Variants in F12 observed in about 807,000 individuals in gnomAD.
F12 encodes coagulation factor XII.
Under a neutral mutation model 74.8 loss-of-function variants are expected in F12, and 70 were observed. The ratio of observed to expected loss-of-function variants is 0.94; its 90% CI spans 0.77 to 1.14. The LOEUF (loss-of-function observed/expected upper bound fraction) is 1.14. Among genes scored for constraint, F12 ranks in the 50% most tolerant of loss-of-function variants. The probability of loss-of-function intolerance (pLI) is 0.00; values close to 1 mark genes in which losing one functional copy is unlikely to be tolerated. For synonymous variants in F12, 373 were observed against 356.4 expected, an observed-to-expected ratio of 1.05 and a Z score of -0.52; for missense variants, 811 against 835.7, an observed-to-expected ratio of 0.97 and a Z score of 0.36.
Position 177,403,896 on chromosome 5 carries a change from A to T in F12, c.1213T>A (p.Cys405Ser), listed in dbSNP as rs748842016. 6.3e-7 allele frequency: 1 copy of T among 1,579,522 alleles called. No homozygotes were observed. Among genetic ancestry groups the T allele is most frequent in the Non-Finnish European group, 8.6e-7 (1 of 1,166,102 alleles). The change falls in exon 10 of 14, where the codon TGC becomes AGC. Residue 405 changes from cysteine to serine, a missense_variant. Coordinates refer to ENST00000253496, the MANE Select transcript of F12 (RefSeq NM_000505.4). Reference protein sequence around the residue: ...SFCAGSLIAPCWVLTAAHCLQ... With the variant: ...SFCAGSLIAPSWVLTAAHCLQ... ...CAGTGAGCGGCCGTCAGCACCCAGC[A>T]GGGGGCGATGAGGCTGCCGGCGCAG...
chr5:177,402,438 C>A lies in F12; in HGVS notation c.1702G>T (p.Val568Leu). The A allele has an allele frequency of 6.2e-7, 1 of 1,610,080 alleles. No homozygotes were observed. Among genetic ancestry groups the A allele is most frequent in the African/African-American group, 1.3e-5 (1 of 74,952 alleles). ...ACQGDSGGPL[V>L]CEDQAAERRL... ...CGCTCTGCAGCTTGGTCCTCACACA[C>A]CAGCGGGCCTCCGGAATCACCCTGG... The change falls in exon 14 of 14, where the codon GTG (valine) becomes TTG (leucine). Residue 568 changes from valine (V) to leucine (L), a missense_variant. Coordinates refer to ENST00000253496, the MANE Select transcript of F12 (RefSeq NM_000505.4).
chr5:177,402,671 T>G lies in F12; in HGVS notation c.1559A>C (p.Gln520Pro), dbSNP rs1478056540. 4 of 1,612,334 alleles carry G rather than the reference T, an allele frequency of 2.5e-6. No individual in the cohort carries two copies. The highest frequency in any genetic ancestry group is 2.2e-5 in the East Asian group (1 of 44,884). ...EGAEEYASFLQEAQVPFLSLE... is the reference protein window; with the variant it reads ...EGAEEYASFLPEAQVPFLSLE... ...GGAGAGGAACGGTACCTGCGCCTCCTGCAGGAAGCTGGCATATTCCTCCGC... is the reference window on the plus strand; with the variant it reads ...GGAGAGGAACGGTACCTGCGCCTCCGGCAGGAAGCTGGCATATTCCTCCGC... Residue 520 changes from glutamine (Q) to proline (P), a missense_variant, in exon 13 of 14, where the codon CAG (glutamine) becomes CCG (proline). Coordinates refer to ENST00000253496, the MANE Select transcript of F12 (RefSeq NM_000505.4).
In F12 at chr5:177,405,047, T is replaced by C; in HGVS notation, c.529+7A>G. 1 of 1,611,686 alleles carries C rather than the reference T, an allele frequency of 6.2e-7. No individual in the cohort carries two copies. Among genetic ancestry groups the C allele is most frequent in the East Asian group, 2.2e-5 (1 of 44,878 alleles). On this transcript the variant is annotated splice_region_variant and intron_variant, in intron 6 of 13. Coordinates refer to ENST00000253496, the MANE Select transcript of F12 (RefSeq NM_000505.4). Reference sequence around the variant, plus strand: ...CCTCCCTGGCCCGTTCCCAACCATCTGCTCACCCTGGCTGGCCAGCCGCTG... The same window carrying C: ...CCTCCCTGGCCCGTTCCCAACCATCCGCTCACCCTGGCTGGCCAGCCGCTG...
At position 177,404,292 on chromosome 5, in the gene F12, A is replaced by T. The variant is rs78187030; in HGVS notation, c.922T>A (p.Ser308Thr). ...ATGAGTGGGACATGAAGCCTAGGGG[A>T]CACCGGGGTCGGAGGCGCCGCCTGG... The part of the protein sequence containing the change: ...PTQAAPPTPV[S>T]PRLHVPLMPA... The change falls in exon 9 of 14, where the codon TCC (serine) becomes ACC (threonine). Residue 308 changes from serine (S) to threonine (T), a missense_variant. By Grantham distance (58) the Ser-to-Thr change is moderately conservative. Transcript: ENST00000253496. 1.1e-4 allele frequency: 173 copies of T among 1,600,944 alleles called. 1 individual carries two copies. In the African/African-American group the frequency reaches 2.1e-3, roughly 20 times the overall value.
At chr5:177,406,300 AAT>A (rs1457258809) in intron 2 of F12, among the ~76,000 whole-genome samples, 31 of 151,694 alleles carry the variant, frequency 2.0e-4, no homozygotes, top group East Asian at 1.5e-3. Flanking sequence ...CATCCTGGCT[AAT>A]ACAGTGAAAC....
At position 177,405,115 on chromosome 5, in the gene F12, T is replaced by G; in HGVS notation, c.468A>C (p.Ala156=). Residue 156 remains alanine (A), a synonymous_variant, in exon 6 of 14, where the codon GCA becomes GCC. Transcript: ENST00000253496. ...KNEIWYRTEQ[A]AVARCQCKGP... ...CCTTGCACTGGCATCTGGCCACAGC[T>G]GCTTGCTCAGTTCTATACCATATCT... The G allele has an allele frequency of 6.2e-7, 1 of 1,613,850 alleles. No individual in the cohort carries two copies. Among genetic ancestry groups the G allele is most frequent in the South Asian group, 1.1e-5 (1 of 91,090 alleles).
rs1763261185 is a variant in F12, at chr5:177,405,192, A to T, written c.398-7T>A. ...TGAGGCTCAAAGCACTTCTCTGGGG[A>T]CAAAGAGGGATAGTGGTCTCAGGAG... On this transcript the variant is annotated splice_polypyrimidine_tract_variant and splice_region_variant and intron_variant, in intron 5 of 13. Coordinates refer to ENST00000253496, the MANE Select transcript of F12 (RefSeq NM_000505.4). The T allele has an allele frequency of 5.6e-6, 9 of 1,613,874 alleles. No homozygotes were observed. Among genetic ancestry groups the T allele is most frequent in the Non-Finnish European group, 7.6e-6 (9 of 1,180,028 alleles).
chr5:177,403,363 G>C lies in F12; in HGVS notation c.1422C>G (p.Ser474Arg), dbSNP rs761796773. ...LLRLQEDADGSCALLSPYVQP... is the reference protein window; with the variant it reads ...LLRLQEDADGRCALLSPYVQP... The stretch of plus-strand genomic sequence containing the variant: ...GAACGTAAGGCGACAGGAGCGCGCA[G>C]CTGCCGTCCGCATCCTCCTGAAGGC... The change falls in exon 12 of 14, where the codon AGC becomes AGG. Residue 474 changes from serine to arginine, a missense_variant. Ser to Arg is a moderately radical substitution (Grantham distance 110). Coordinates refer to ENST00000253496, the MANE Select transcript of F12 (RefSeq NM_000505.4). 9 of 1,598,618 alleles carry C rather than the reference G, an allele frequency of 5.6e-6. No homozygotes were observed. The highest frequency in any genetic ancestry group is 7.6e-6 in the Non-Finnish European group (9 of 1,179,472).
chr5:177,408,969 C>T (rs1763347069), intron 2 of F12, 77 bp downstream of exon 2: 1 of 1,403,940 alleles, frequency 7.1e-7, no homozygotes, highest in African/African-American at 1.4e-5. Flanking sequence ...CTAGACTAGA[C>T]TGCCCTGAGA....
rs1458723890 is a variant in F12 at position 177,404,562 on chromosome 5, G to C, written c.737C>G (p.Thr246Ser). The C allele has an allele frequency of 2.5e-6, 4 of 1,606,464 alleles. No individual in the cohort carries two copies. Among genetic ancestry groups the C allele is most frequent in the Non-Finnish European group, 3.4e-6 (4 of 1,177,828 alleles). The change falls in exon 8 of 14, where the codon ACC becomes AGC. Residue 246 changes from threonine to serine, a missense_variant. Thr to Ser is a moderately conservative substitution (Grantham distance 58, BLOSUM62 1). Coordinates refer to ENST00000253496, the MANE Select transcript of F12 (RefSeq NM_000505.4). ...APCQPWASEA[T>S]YRNVTAEQAR... is the part of the protein sequence containing the mutation. ...TTGCTCGGCAGTCACGTTCCGGTAG[G>C]TGGCCTCCGAGGCCCACGGCTGACA...
Position 177,405,200 on chromosome 5 carries a change from G to A in F12, c.398-15C>T. 1 of 1,613,728 alleles carries A rather than the reference G, an allele frequency of 6.2e-7. No homozygotes were observed. Among genetic ancestry groups the A allele is most frequent in the Non-Finnish European group, 8.5e-7 (1 of 1,180,036 alleles). Reference sequence around the variant, plus strand: ...AAAGCACTTCTCTGGGGACAAAGAGGGATAGTGGTCTCAGGAGAGTCTAGG... The same window carrying A: ...AAAGCACTTCTCTGGGGACAAAGAGAGATAGTGGTCTCAGGAGAGTCTAGG... On this transcript the variant is annotated splice_polypyrimidine_tract_variant and intron_variant, in intron 5 of 13. Transcript: ENST00000253496.
At chr5:177,409,197 A>G (rs1763351724) in intron 1 of F12, 94 bp from the exon 2 acceptor site, 1 of 1,340,734 alleles carries the variant, frequency 7.5e-7, no homozygotes, top group African/African-American at 1.5e-5. Context: ...CAGCCCAGAA[A>G]TGCAGAGATT....
chr5:177,404,972 T>G, intron 6 of F12, 58 bp from the exon 7 acceptor site: 2 of 1,588,106 alleles, frequency 1.3e-6, no homozygotes. Flanking sequence ...CAGAGAGCTC[T>G]CCTTCCTGGC....
At chr5:177,403,790 C>A in intron 10 of F12, 69 bp downstream of exon 10, 1 of 1,460,904 alleles carries the variant, frequency 6.8e-7, no homozygotes. Flanking sequence ...TCGGGTGCAG[C>A]GTGGAAGCTG....
chr5:177,404,813 C>G lies in F12; in HGVS notation c.631G>C (p.Val211Leu). Residue 211 changes from valine to leucine, a missense_variant, in exon 7 of 14, where the codon GTG becomes CTG. Transcript: ENST00000253496. ...CTTGCCCCAGACCCTCACTCACCCA[C>G]GTCGCAGAAGGCTCCGGTGTAGCCC... ...PVGYTGAFCDVDTKASCYDGR... is the reference protein window; with the variant it reads ...PVGYTGAFCDLDTKASCYDGR... 6.2e-7 allele frequency: 1 copy of G among 1,605,388 alleles called. No homozygotes were observed. The highest frequency in any genetic ancestry group is 8.5e-7 in the Non-Finnish European group (1 of 1,176,852).
In F12 at chr5:177,406,050, T is replaced by G. The variant is rs1581659233; in HGVS notation, c.127A>C (p.Thr43Pro). The G allele has an allele frequency of 5.0e-6, 8 of 1,613,984 alleles. No homozygotes were observed. Among genetic ancestry groups the G allele is most frequent in the Middle Eastern group, 1.6e-4 (1 of 6,062 alleles). The change falls in exon 3 of 14, where the codon ACC (threonine) becomes CCC (proline). Residue 43 changes from threonine to proline, a missense_variant. Thr to Pro is a conservative substitution (Grantham distance 38). Transcript: ENST00000253496. ...AEEHTVVLTV[T>P]GEPCHFPFQY... ...AAGGGGAAGTGGCAGGGCTCCCCGG[T>G]GACAGTGAGAACTGCAGGGACAACA...
chr5:177,403,645 G>A, intron 10 of F12, 28 bp from the exon 11 acceptor site: 1 of 1,596,852 alleles, frequency 6.3e-7, no homozygotes. Context: ...GAGAGGCAGC[G>A]CTCTCAGACC....
chr5:177,409,280 GC>G (rs1164835373), intron 1 of F12, among the ~76,000 whole-genome samples, 177 bp from the exon 2 acceptor site: 1 of 151,934 alleles, frequency 6.6e-6, no homozygotes, highest in Non-Finnish European at 1.5e-5. Context: ...AGAAATGCAG[GC>G]TGTGCCCTTG....
chr5:177,405,918 C>T (rs776590789), intron 3 of F12, 44 bp downstream of exon 3: 1 of 1,603,426 alleles, frequency 6.2e-7, no homozygotes, highest in African/African-American at 1.3e-5. Flanking sequence ...AGGCAGGGTA[C>T]ATGTCTCCCA....
Sources: allele counts gnomAD v4.1 joint callset (sites outside exome capture counted in the v4.1 genomes callset), GRCh38; gene constraint gnomAD v4.1.1; transcripts MANE v1.5; gene names NCBI Gene and HGNC (gene_info 2026-07-23, HGNC 2026-07-21).